The following PRX variants were observed in gnomAD, a reference collection of about 807,000 sequenced individuals.
The protein encoded by PRX is periaxin.
A neutral mutation model predicts 29.6 loss-of-function variants in PRX; 24 were observed. That is an observed-to-expected ratio of 0.81 (90% CI 0.59 to 1.14). PRX has a LOEUF of 1.14. PRX is among the 50% of genes most tolerant of loss of function. The pLI is 0.00. For missense variants in PRX, 1,838 were observed against 1,926.4 expected, an observed-to-expected ratio of 0.95 and a Z score of 0.86; for synonymous variants, 772 against 831.7, an observed-to-expected ratio of 0.93 and a Z score of 1.24.
chr19:40,411,529 A>G (rs2145749786), intron 1 of PRX, among the ~76,000 whole-genome samples: 1 of 152,260 alleles, frequency 6.6e-6, no homozygotes, highest in South Asian at 2.1e-4. Flanking sequence ...TGTGAGGGTC[A>G]TGCCCGGAGC....
intron 5 of PRX, among the ~76,000 whole-genome samples, chr19:40,403,442 T>G (rs1364186407): frequency 6.6e-6 from 1 of 152,068 alleles, no homozygotes; most frequent in Non-Finnish European, 1.5e-5. Context: ...CATACTAGAA[T>G]AAGTCCCATT....
intron 1 of PRX, among the ~76,000 whole-genome samples, chr19:40,409,840 C>T (rs530482256): frequency 6.6e-6 from 1 of 152,250 alleles, no homozygotes; most frequent in South Asian, 2.1e-4. Context: ...TGCTCCACTG[C>T]ACATGGCCCT....
At chr19:40,407,212 TTGTGTGTGTGTGTGTG>T (rs72256185) in intron 4 of PRX, among the ~76,000 whole-genome samples, 112 of 133,894 alleles carry the variant, frequency 8.4e-4, no homozygotes, top group African/African-American at 1.6e-3. Context: ...TTATATGCCC[TTGTGTGTGTGTGTGTG>T]TGTGTGTGTG....
chr19:40,407,208 G>GC (rs1374849277), intron 4 of PRX, among the ~76,000 whole-genome samples: 2 of 129,832 alleles, frequency 1.5e-5, no homozygotes, highest in Non-Finnish European at 3.2e-5. Context: ...TACATTATAT[G>GC]CCCTTGTGTG....
intron 4 of PRX, 122 bp from the exon 5 acceptor site, chr19:40,403,984 T>A (rs1200361639): frequency 8.5e-7 from 1 of 1,172,446 alleles, no homozygotes; most frequent in East Asian, 2.6e-5. Context: ...GAGACGGGGG[T>A]GGGGGACGGT....
rs1222842501 is a variant in PRX, at chr19:40,412,617, A to T, written c.-243+721T>A. ...AAGGGGAGCTTTGGCTGAGAGACAA[A>T]ACCCAGCTCAGGCACCAGCCTCCCA... is the stretch of plus-strand genomic sequence containing the variant. On this transcript the variant is annotated intron_variant, in intron 1 of 6. Transcript: ENST00000324001. Among the ~76,000 whole-genome samples the T allele has an allele frequency of 2.0e-5, 3 of 152,180 alleles. No individual in the cohort carries two copies. The East Asian group carries it at 5.8e-4, about 29-fold the overall frequency.
upstream of PRX, among the ~76,000 whole-genome samples, chr19:40,414,715 G>A (rs1334023255): frequency 1.3e-5 from 2 of 151,992 alleles, no homozygotes; most frequent in Admixed American, 1.3e-4. Flanking sequence ...CCCGGGGGGC[G>A]GCACAGGGAG....
intron 5 of PRX, among the ~76,000 whole-genome samples, chr19:40,399,850 C>CCTTTCTTT (rs59315819): frequency 0.09 from 10,705 of 119,318 alleles, 735 homozygotes; most frequent in East Asian, 0.2. Context: ...AGCTTTCTTT[C>CCTTTCTTT]CTTTCTTTCT....
chr19:40,395,833 T>A lies in PRX; in HGVS notation c.2519A>T (p.Glu840Val). Residue 840 changes from glutamate to valine, a missense_variant, in exon 7 of 7, where the codon GAG (glutamate) becomes GTG (valine). Physicochemically the swap from Glu to Val is moderately radical, Grantham distance 121 (BLOSUM62 -2). This residue lies in a region of PRX where 1,143 missense variants were observed against 1,193.0 expected (regional missense o/e 0.96). Transcript: ENST00000324001. ...ACCCACATGAGCCTCACCATCCACC[T>A]CTGGCTGCAGACAGGGAAGTGTTAC... ...KLVTLPCLQP[E>V]VDGEAHVGVP... 1 of 1,614,170 alleles carries A rather than the reference T, an allele frequency of 6.2e-7. No homozygotes were observed. The highest frequency in any genetic ancestry group is 1.1e-5 in the South Asian group (1 of 91,086).
In PRX at chr19:40,393,975, C is replaced by T. The variant is rs377062046; in HGVS notation, c.4377G>A (p.Ala1459=). ...GPARMEGAQA[A]AV ...CATCTGACTAGGGGCTTCAGACAGC[C>T]GCAGCCTGAGCCCCCTCCATCCTGG... The change falls in exon 7 of 7, where the codon GCG becomes GCA. Residue 1459 remains alanine (A), a synonymous_variant. Transcript: ENST00000324001. The T allele has an allele frequency of 2.6e-5, 42 of 1,612,388 alleles. No homozygotes were observed. Among genetic ancestry groups the T allele is most frequent in the African/African-American group, 1.2e-4 (9 of 74,920 alleles).
intron 4 of PRX, among the ~76,000 whole-genome samples, chr19:40,404,809 A>G (rs2079521332): frequency 6.6e-6 from 1 of 152,076 alleles, no homozygotes; most frequent in South Asian, 2.1e-4. Context: ...CCTGGCCTCA[A>G]GAGATCCTCC....
In PRX at chr19:40,400,568, G is replaced by C. The variant is rs552917106; in HGVS notation, c.185-1752C>G. On this transcript the variant is annotated intron_variant, in intron 5 of 6. Transcript: ENST00000324001. ...GATCGTGCCATTGCACTCCAGCCTG[G>C]GCAACAAGAGCGAAATTCCATCTCA... Among the ~76,000 whole-genome samples, 885 of 126,272 alleles carry C rather than the reference G, an allele frequency of 7.0e-3. 3 individuals are homozygous for C. The highest frequency in any genetic ancestry group is 0.023 in the Middle Eastern group (5 of 218). 82.8% of individuals were successfully genotyped at this position (126,272 alleles called of 152,430 possible).
rs3745202 is a variant in PRX, at chr19:40,395,104, G to T, written c.3248C>A (p.Pro1083Gln). 1 of 1,613,660 alleles carries T rather than the reference G, an allele frequency of 6.2e-7. No individual in the cohort carries two copies. Among genetic ancestry groups the T allele is most frequent in the Non-Finnish European group, 8.5e-7 (1 of 1,179,952 alleles). Residue 1083 changes from proline to glutamine, a missense_variant, in exon 7 of 7, where the codon CCG becomes CAG. Pro to Gln is a moderately conservative substitution (Grantham distance 76). Around this residue, in one of 3 missense-constraint regions of PRX, gnomAD observed 1,143 missense variants for 1,193.0 expected, o/e 0.96. Coordinates refer to ENST00000324001, the MANE Select transcript of PRX (RefSeq NM_181882.3). ...EAEVQGDRAS[P>Q]GEKAESTAVQ... is the part of the protein sequence containing the mutation. ...AGCGGTGGACTCAGCCTTTTCCCCC[G>T]GGCTGGCACGATCACCTTGAACTTC... is the stretch of plus-strand genomic sequence containing the variant.
Position 40,395,156 on chromosome 19 carries a change from AG to A in PRX, c.3195del (p.Phe1066LeufsTer61). On this transcript the variant is annotated frameshift_variant, in exon 7 of 7. Coordinates refer to ENST00000324001, the MANE Select transcript of PRX (RefSeq NM_181882.3). LOFTEE classifies it low-confidence loss of function (END_TRUNC). Reference protein sequence around the residue: ...RVKMPKLKMPSFGLARGKEAE... With the variant: ...RVKMPKLKMPXFGLARGKEAE... ...GCTTCCTTCCCTCGAGCCAGCCCAA[AG>A]GAAGGCATCTTCAGCTTGGGCATCT... 1 of 1,614,168 alleles carries A rather than the reference AG, an allele frequency of 6.2e-7. No individual in the cohort carries two copies. Among genetic ancestry groups the A allele is most frequent in the Non-Finnish European group, 8.5e-7 (1 of 1,180,008 alleles).
At chr19:40,411,552 GT>G (rs2079558885) in intron 1 of PRX, among the ~76,000 whole-genome samples, 1 of 152,152 alleles carries the variant, frequency 6.6e-6, no homozygotes, top group African/African-American at 2.4e-5. Context: ...GGCACAGGAA[GT>G]TCAGGCGGGG....
At chr19:40,407,810 T>C in intron 4 of PRX, 96 bp downstream of exon 4, 3 of 1,530,220 alleles carry the variant, frequency 2.0e-6, no homozygotes, top group Non-Finnish European at 2.7e-6. Flanking sequence ...ATGGAGAGAA[T>C]GAGGCACAGA....
chr19:40,407,212 T>TTGTGTGTGTG (rs72256185), intron 4 of PRX, among the ~76,000 whole-genome samples: 2,525 of 133,780 alleles, frequency 0.019, 72 homozygotes, highest in Admixed American at 0.079. Flanking sequence ...TTATATGCCC[T>TTGTGTGTGTG]TGTGTGTGTG....
At chr19:40,405,780 A>G (rs1214985194) in intron 4 of PRX, among the ~76,000 whole-genome samples, 3 of 151,362 alleles carry the variant, frequency 2.0e-5, no homozygotes, top group Admixed American at 1.3e-4. Context: ...CTGGGATTAC[A>G]GGTGCACGCC....
chr19:40,397,766 G>C lies in PRX; in HGVS notation c.586C>G (p.Arg196Gly), dbSNP rs104894706. Residue 196 changes from arginine (R) to glycine (G), a missense_variant, in exon 7 of 7, where the codon CGA becomes GGA. By Grantham distance (125) the Arg-to-Gly change is moderately radical (BLOSUM62 -2). Around this residue, in one of 3 missense-constraint regions of PRX, gnomAD observed 666 missense variants for 665.0 expected, o/e 1.00. Coordinates refer to ENST00000324001, the MANE Select transcript of PRX (RefSeq NM_181882.3). The part of the protein sequence containing the change: ...RRLQLPRLRV[R>G]EVAEEAQAAR... The stretch of plus-strand genomic sequence containing the variant: ...GCCTGAGCCTCTTCGGCCACTTCTC[G>C]TACACGCAGCCGAGGCAGCTGGAGG... The C allele has an allele frequency of 2.6e-6, 4 of 1,567,116 alleles. No homozygotes were observed. Among genetic ancestry groups the C allele is most frequent in the Non-Finnish European group, 3.5e-6 (4 of 1,156,814 alleles).
Sources: allele counts gnomAD v4.1 joint callset (sites outside exome capture counted in the v4.1 genomes callset), GRCh38; gene constraint gnomAD v4.1.1; regional missense constraint gnomAD v4.1.1; transcripts MANE v1.5; gene names NCBI Gene and HGNC (gene_info 2026-07-23, HGNC 2026-07-21).